NPC1: variants seen among roughly 807,000 people sequenced by gnomAD.
The protein encoded by NPC1 is NPC intracellular cholesterol transporter 1, also known as Niemann-Pick C1 protein.
In NPC1, 85 loss-of-function variants were observed where a neutral mutation model predicts 140.4. The ratio of observed to expected loss-of-function variants is 0.61; its 90% CI spans 0.51 to 0.72. The LOEUF (loss-of-function observed/expected upper bound fraction) is 0.72. NPC1 is among the 30% of genes least tolerant of loss of function. The pLI is 0.00. For synonymous variants in NPC1, 656 were observed against 624.8 expected (o/e 1.05, Z -0.74); for missense variants, 1,504 against 1,623.8 (o/e 0.93, Z 1.27).
chr18:23,510,019 TAA>T (rs531660350), intron 3 of NPC1, among the ~76,000 whole-genome samples: 4 of 132,290 alleles, frequency 3.0e-5, no homozygotes, highest in African/African-American at 5.6e-5. Context: ...AGTAATAAAT[TAA>T]AAAAAAAAAA....
intron 3 of NPC1, chr18:23,508,830 T>C (rs1283130547): frequency 6.5e-6 from 1 of 152,972 alleles, no homozygotes; most frequent in Non-Finnish European, 1.5e-5. Flanking sequence ...TAAAGACCCT[T>C]AGGCCTTTGT....
chr18:23,518,882 CT>C (rs765973552), downstream of NPC1: 1 of 1,613,604 alleles, frequency 6.2e-7, no homozygotes, highest in East Asian at 2.2e-5. Context: ...TGTTTGTTCC[CT>C]AATTAGATAC....
At chr18:23,549,596 A>G (rs1468705128) in intron 10 of NPC1, among the ~76,000 whole-genome samples, 1 of 152,016 alleles carries the variant, frequency 6.6e-6, no homozygotes, top group African/African-American at 2.4e-5. Context: ...CCGAGATCAC[A>G]CCACCGCACT....
At chr18:23,584,253 C>T (rs1376036164) in intron 1 of NPC1, among the ~76,000 whole-genome samples, 1 of 152,170 alleles carries the variant, frequency 6.6e-6, no homozygotes, top group African/African-American at 2.4e-5. Flanking sequence ...ACTCTACTAG[C>T]GCTCAGACTG....
Position 23,544,986 on chromosome 18 carries a change from G to C in NPC1, c.1921C>G (p.His641Asp). ...AGAAGCCTGCGACAGCTTTTCATGT[G>C]CCCCAAGGCTAGGGAAATATATAGA... ...MFLYISLALGHMKSCRRLLVD... is the reference protein window; with the variant it reads ...MFLYISLALGDMKSCRRLLVD... Residue 641 changes from histidine to aspartate, a missense_variant, in exon 12 of 25, where the codon CAC becomes GAC. Transcript: ENST00000269228. The C allele has an allele frequency of 6.5e-7, 1 of 1,527,572 alleles. No individual in the cohort carries two copies. Among genetic ancestry groups the C allele is most frequent in the Non-Finnish European group, 9.0e-7 (1 of 1,114,388 alleles). The allele number at this position is 1,527,572 out of a possible 1,614,324, so 94.6% of individuals were successfully genotyped here.
chr18:23,547,801 C>T (rs1425897269), intron 11 of NPC1, among the ~76,000 whole-genome samples: 1 of 152,152 alleles, frequency 6.6e-6, no homozygotes, highest in Non-Finnish European at 1.5e-5. Flanking sequence ...TTTTGCATTC[C>T]TGTGGAGGGA....
chr18:23,512,530 C>T (rs2057889279), intron 3 of NPC1, among the ~76,000 whole-genome samples: 1 of 152,076 alleles, frequency 6.6e-6, no homozygotes, highest in South Asian at 2.1e-4. Flanking sequence ...ACGTAGTCCT[C>T]CCACCTCAGC....
At chr18:23,534,936 T>G (rs770488494) in intron 22 of NPC1, among the ~76,000 whole-genome samples, 13 of 152,156 alleles carry the variant, frequency 8.5e-5, no homozygotes, top group Non-Finnish European at 1.8e-4. Flanking sequence ...TGTTCTATTT[T>G]CCATGAATAC....
At chr18:23,561,269 C>T in intron 5 of NPC1, 91 bp downstream of exon 5, 1 of 1,352,128 alleles carries the variant, frequency 7.4e-7, no homozygotes, top group Admixed American at 1.7e-5. Flanking sequence ...GCCTCAGTCT[C>T]CCCAAGCACT....
intron 3 of NPC1, among the ~76,000 whole-genome samples, chr18:23,569,607 C>T (rs1336060453): frequency 6.6e-6 from 1 of 152,254 alleles, no homozygotes; most frequent in South Asian, 2.1e-4. Context: ...TCGACATGAG[C>T]GCTGCACCAG....
At chr18:23,559,427 A>G (rs1460845217) in intron 6 of NPC1, among the ~76,000 whole-genome samples, 2 of 151,470 alleles carry the variant, frequency 1.3e-5, no homozygotes, top group Non-Finnish European at 2.9e-5. Flanking sequence ...AGATGCAAAT[A>G]TCTAAAAGGA....
rs574474554 is a variant in NPC1 at position 23,544,128 on chromosome 18, A to G, written c.2130+216T>C. On this transcript the variant is annotated intron_variant, in intron 13 of 24. Coordinates refer to ENST00000269228, the MANE Select transcript of NPC1 (RefSeq NM_000271.5). ...ATTTAAAGATACAATTTAAAACACA[A>G]TTCTTACTTTATATCTACTATTTCA... Among the ~76,000 whole-genome samples, 3 of 152,312 alleles carry G rather than the reference A, an allele frequency of 2.0e-5. No homozygotes were observed. In the South Asian group the frequency reaches 6.2e-4, roughly 32 times the overall value.
rs545647631 is a variant in NPC1 at position 23,534,435 on chromosome 18, A to G, written c.3591+11T>C. On this transcript the variant is annotated intron_variant, in intron 23 of 24. Transcript: ENST00000269228. ...CGACTCTGCCGGCGTGGCCCTGCTCAGGGTACTCACGGAGCTGCCCATGTG... is the reference window on the plus strand; with the variant it reads ...CGACTCTGCCGGCGTGGCCCTGCTCGGGGTACTCACGGAGCTGCCCATGTG... 7.5e-5 allele frequency: 120 copies of G among 1,593,654 alleles called. 1 individual carries two copies. In the South Asian group the frequency reaches 1.3e-3, roughly 17 times the overall value.
intron 3 of NPC1, among the ~76,000 whole-genome samples, chr18:23,513,925 CCTT>C (rs2145174200): frequency 6.6e-6 from 1 of 152,288 alleles, no homozygotes; most frequent in East Asian, 1.9e-4. Context: ...GATATTAACA[CCTT>C]CTTAGAGATA....
At chr18:23,516,574 T>C (rs566540587) in intron 3 of NPC1, 3 of 727,392 alleles carry the variant, frequency 4.1e-6, no homozygotes, top group Non-Finnish European at 6.8e-6. Flanking sequence ...GTATAGGTCC[T>C]GTGAACATAG....
At chr18:23,557,392 G>A (rs1182264953) in intron 6 of NPC1, among the ~76,000 whole-genome samples, 2 of 152,178 alleles carry the variant, frequency 1.3e-5, no homozygotes, top group African/African-American at 4.8e-5. Context: ...AAGATGTTAA[G>A]AGAACAATTA....
downstream of NPC1, chr18:23,529,773 C>G (rs1368587673): frequency 8.0e-6 from 12 of 1,491,634 alleles, no homozygotes; most frequent in South Asian, 1.1e-5. Flanking sequence ...AAAACACAGT[C>G]ACTGTCTTAG....
chr18:23,539,246 G>T (rs1366002035), intron 19 of NPC1, 109 bp downstream of exon 19: 2 of 760,402 alleles, frequency 2.6e-6, no homozygotes, highest in Non-Finnish European at 4.7e-6. Context: ...GGGAGACCCA[G>T]CTTTGATATA....
intron 3 of NPC1, among the ~76,000 whole-genome samples, chr18:23,571,552 G>C (rs12957019): frequency 4.4e-4 from 67 of 152,218 alleles, no homozygotes; most frequent in Non-Finnish European, 7.1e-4. Flanking sequence ...AGCTACTGGG[G>C]AGGCTGAGGC....
Sources: allele counts gnomAD v4.1 joint callset (sites outside exome capture counted in the v4.1 genomes callset), GRCh38; gene constraint gnomAD v4.1.1; transcripts MANE v1.5; gene names NCBI Gene and HGNC (gene_info 2026-07-23, HGNC 2026-07-21).